Variants in ZFYVE9 observed in about 807,000 individuals in gnomAD.
ZFYVE9 encodes the protein zinc finger FYVE domain-containing protein 9.
Under a neutral mutation model 126.7 loss-of-function variants are expected in ZFYVE9, and 43 were observed. The observed-to-expected ratio is 0.34, with a 90% CI of 0.27 to 0.44. ZFYVE9 has a LOEUF of 0.44. Among genes scored for constraint, ZFYVE9 ranks in the 20% least tolerant of loss-of-function variants. The probability of loss-of-function intolerance (pLI) is 1.00; values close to 1 mark genes in which losing one functional copy is unlikely to be tolerated. For missense variants in ZFYVE9, 1,476 were observed against 1,697.0 expected (o/e 0.87, Z 2.29); for synonymous variants, 521 against 597.4 (o/e 0.87, Z 1.87).
chr1:52,198,120 G>GTTTTTTTTT lies in ZFYVE9; in HGVS notation c.-142-18246_-142-18245insTTTTTTTTT, dbSNP rs373096573. Among the ~76,000 whole-genome samples the GTTTTTTTTT allele has an allele frequency of 2.8e-4, 31 of 111,102 alleles. 4 individuals carry two copies. The highest frequency in any genetic ancestry group is 3.4e-4 in the Non-Finnish European group (20 of 58,412). 72.9% of individuals were successfully genotyped at this position (111,102 alleles called of 152,430 possible). A position where few individuals can be genotyped will look rare whatever the true frequency, so the allele number is the denominator to read the frequency against. ...AAATAATATTGTAGTGTTTTTTTTT[G>GTTTTTTTTT]TTTGTTTTTTTTTTTTTTTGAGATG... On this transcript the variant is annotated intron_variant, in intron 1 of 18. Transcript: ENST00000287727.
In ZFYVE9 at chr1:52,244,633, G is replaced by T. The variant is rs148772941; in HGVS notation, c.2178+5038G>T. 1.2e-3 allele frequency among the ~76,000 whole-genome samples: 178 copies of T among 152,280 alleles called. 2 individuals carry two copies. Among genetic ancestry groups the T allele is most frequent in the African/African-American group, 4.3e-3 (178 of 41,546 alleles). ...TGAATTGAAATTTCAAGAGCCCTTT[G>T]TGCTTGGCATCAAACTTTCAGTCAG... is the stretch of plus-strand genomic sequence containing the variant. On this transcript the variant is annotated intron_variant, in intron 4 of 18. Transcript: ENST00000287727.
chr1:52,165,319 T>C (rs1644502729), intron 1 of ZFYVE9, among the ~76,000 whole-genome samples: 1 of 152,054 alleles, frequency 6.6e-6, no homozygotes, highest in Non-Finnish European at 1.5e-5. Flanking sequence ...ATCAGTGTAA[T>C]TAGACAAGAA....
chr1:52,297,132 C>T (rs912557325), intron 12 of ZFYVE9, among the ~76,000 whole-genome samples: 1 of 152,080 alleles, frequency 6.6e-6, no homozygotes, highest in East Asian at 1.9e-4. Context: ...TTACAAACTA[C>T]CTTGCCCTGG....
chr1:52,181,725 C>G (rs1254424200), intron 1 of ZFYVE9, among the ~76,000 whole-genome samples: 12 of 151,866 alleles, frequency 7.9e-5, no homozygotes, highest in Non-Finnish European at 1.5e-4. Context: ...GGGAGCGCCT[C>G]TGCCCCGCTG....
chr1:52,310,588 G>A (rs994573246), intron 13 of ZFYVE9, among the ~76,000 whole-genome samples: 5 of 152,112 alleles, frequency 3.3e-5, no homozygotes, highest in South Asian at 4.1e-4. Flanking sequence ...GCCCATGATC[G>A]TACAGCTAGC....
At chr1:52,248,159 C>T (rs1257168474) in intron 4 of ZFYVE9, among the ~76,000 whole-genome samples, 2 of 152,180 alleles carry the variant, frequency 1.3e-5, no homozygotes, top group African/African-American at 4.8e-5. Flanking sequence ...AGGGCTCAGC[C>T]CAAGTTTGAA....
At chr1:52,154,866 A>C (rs551712380) in intron 1 of ZFYVE9, among the ~76,000 whole-genome samples, 2 of 152,042 alleles carry the variant, frequency 1.3e-5, no homozygotes, top group African/African-American at 4.8e-5. Context: ...GCATTCACAT[A>C]CTGAGCTGAC....
At chr1:52,332,315 AAC>A (rs1342600742) in intron 13 of ZFYVE9, among the ~76,000 whole-genome samples, 19 of 152,208 alleles carry the variant, frequency 1.2e-4, no homozygotes, top group African/African-American at 4.1e-4. Context: ...AAAATTAAGA[AAC>A]AATTTGAATT....
chr1:52,275,792 A>G (rs2147810780), intron 8 of ZFYVE9, among the ~76,000 whole-genome samples: 1 of 151,764 alleles, frequency 6.6e-6, no homozygotes, highest in South Asian at 2.1e-4. Context: ...TGTCTTCCAC[A>G]CTGTTGCCAG....
At chr1:52,208,713 A>T (rs1042893623) in intron 1 of ZFYVE9, among the ~76,000 whole-genome samples, 2 of 152,016 alleles carry the variant, frequency 1.3e-5, no homozygotes, top group African/African-American at 4.8e-5. Flanking sequence ...TTGTATTTTT[A>T]GTAGAGACGG....
chr1:52,210,724 G>T (rs1645020293), intron 1 of ZFYVE9, among the ~76,000 whole-genome samples: 1 of 152,070 alleles, frequency 6.6e-6, no homozygotes, highest in African/African-American at 2.4e-5. Flanking sequence ...GTGCAATCTT[G>T]GCTCACTGCA....
chr1:52,252,786 C>T, intron 4 of ZFYVE9: 1 of 407,012 alleles, frequency 2.5e-6, no homozygotes, highest in Non-Finnish European at 5.1e-6. Context: ...CTGGGCTCCC[C>T]TACTGCACCA....
intron 2 of ZFYVE9, among the ~76,000 whole-genome samples, chr1:52,217,759 C>A (rs907383063): frequency 6.6e-6 from 1 of 152,078 alleles, no homozygotes; most frequent in Non-Finnish European, 1.5e-5. Flanking sequence ...GTGGTAAGGC[C>A]TTGTAAGGCT....
At chr1:52,271,408 A>G (rs918531153) in intron 7 of ZFYVE9, among the ~76,000 whole-genome samples, 6 of 152,166 alleles carry the variant, frequency 3.9e-5, no homozygotes, top group African/African-American at 1.2e-4. Flanking sequence ...GTGCCCAGTA[A>G]ATGAAGTAAA....
chr1:52,325,229 G>A (rs1424029434), intron 13 of ZFYVE9, among the ~76,000 whole-genome samples: 1 of 152,076 alleles, frequency 6.6e-6, no homozygotes, highest in Non-Finnish European at 1.5e-5. Flanking sequence ...CAGTGAGGCT[G>A]AGGCAGGAGA....
At chr1:52,228,292 C>T (rs1645187364) in intron 2 of ZFYVE9, among the ~76,000 whole-genome samples, 1 of 152,138 alleles carries the variant, frequency 6.6e-6, no homozygotes, top group African/African-American at 2.4e-5. Flanking sequence ...GTTGTCCAGG[C>T]TGATCTCAAA....
At chr1:52,189,662 C>T (rs549471523) in intron 1 of ZFYVE9, among the ~76,000 whole-genome samples, 98 of 145,740 alleles carry the variant, frequency 6.7e-4, no homozygotes, top group African/African-American at 2.1e-3. Flanking sequence ...TGTGAGCCAC[C>T]GCACTTGGCC....
chr1:52,294,018 C>T (rs1486601138), intron 11 of ZFYVE9, among the ~76,000 whole-genome samples: 2 of 152,068 alleles, frequency 1.3e-5, no homozygotes, highest in Non-Finnish European at 1.5e-5. Context: ...AAAACAGTTA[C>T]GATCAATTAT....
intron 4 of ZFYVE9, among the ~76,000 whole-genome samples, chr1:52,259,347 T>C (rs535004410): frequency 6.6e-6 from 1 of 152,280 alleles, no homozygotes; most frequent in South Asian, 2.1e-4. Context: ...AGACTTCAGC[T>C]TAAGTATTTG....
Sources: allele counts gnomAD v4.1 joint callset (sites outside exome capture counted in the v4.1 genomes callset), GRCh38; gene constraint gnomAD v4.1.1; transcripts MANE v1.5; gene names NCBI Gene and HGNC (gene_info 2026-07-23, HGNC 2026-07-21).